Variants in ATG3 observed in about 807,000 individuals in gnomAD.
The protein encoded by ATG3 is ubiquitin-like-conjugating enzyme ATG3.
Under a neutral mutation model 50.7 loss-of-function variants are expected in ATG3, and 25 were observed. The ratio of observed to expected loss-of-function variants is 0.49; its 90% confidence interval spans 0.36 to 0.69. ATG3 has a LOEUF of 0.69. ATG3 is among the 30% of genes least tolerant of loss of function. ATG3 has a pLI of 0.00. For missense variants in ATG3, 281 were observed against 376.0 expected (o/e 0.75, Z 2.09); for synonymous variants, 119 against 125.5 (o/e 0.95, Z 0.34).
intron 7 of ATG3, 105 bp downstream of exon 7, chr3:112,541,698 A>T: frequency 1.0e-6 from 1 of 994,570 alleles, no homozygotes; most frequent in Non-Finnish European, 1.5e-6. Context: ...CTAGGCTGCT[A>T]AATGCTAAAC....
intron 1 of ATG3, among the ~76,000 whole-genome samples, chr3:112,558,784 T>C (rs1303938683): frequency 6.6e-6 from 1 of 152,020 alleles, no homozygotes; most frequent in Non-Finnish European, 1.5e-5. Flanking sequence ...TTGCCCAGGC[T>C]GGAGTGCAGT....
chr3:112,550,270 A>G lies in ATG3; in HGVS notation c.165-8T>C. On this transcript the variant is annotated splice_polypyrimidine_tract_variant and splice_region_variant and intron_variant, in intron 3 of 11. Transcript: ENST00000283290. ...AATTCTTCCCCTGTAGCCCTTTAAA[A>G]ACAGTGAAAAGCACCAAAATACAAA... 1 of 1,607,772 alleles carries G rather than the reference A, an allele frequency of 6.2e-7. No homozygotes were observed. Among genetic ancestry groups the G allele is most frequent in the Non-Finnish European group, 8.5e-7 (1 of 1,176,528 alleles).
rs914884431 is a variant in ATG3, at chr3:112,533,715, G to A, written c.863+554C>T. ...TACTTTAGGATCCAACAGTTTGCTT[G>A]GGCATTAACTTGAATGTATTACTTT... On this transcript the variant is annotated intron_variant, in intron 11 of 11. Transcript: ENST00000283290. The A allele has an allele frequency of 8.1e-6, 8 of 985,162 alleles. No individual in the cohort carries two copies. In the African/African-American group the frequency reaches 1.4e-4, roughly 17 times the overall value. 61.0% of individuals were successfully genotyped at this position (985,162 alleles called of 1,614,324 possible). A position where few individuals can be genotyped will look rare whatever the true frequency, so the allele number is the denominator to read the frequency against.
chr3:112,551,884 G>T (rs1424489020), intron 3 of ATG3, among the ~76,000 whole-genome samples: 2 of 151,662 alleles, frequency 1.3e-5, no homozygotes, highest in Admixed American at 6.6e-5. Flanking sequence ...TTTAAATATG[G>T]AACAAAAAAC....
intron 7 of ATG3, among the ~76,000 whole-genome samples, chr3:112,538,951 T>C (rs568810586): frequency 1.3e-5 from 2 of 152,326 alleles, no homozygotes; most frequent in South Asian, 4.1e-4. Context: ...CAGTTAATGG[T>C]ATCTTTCTAG....
intron 3 of ATG3, among the ~76,000 whole-genome samples, chr3:112,551,012 G>A (rs1357040222): frequency 6.6e-6 from 1 of 152,170 alleles, no homozygotes; most frequent in East Asian, 1.9e-4. Flanking sequence ...TGACTTCAGG[G>A]CTCCTACTCT....
intron 10 of ATG3, 55 bp from the exon 11 acceptor site, chr3:112,534,392 G>T (rs778834306): frequency 5.6e-5 from 72 of 1,297,210 alleles, no homozygotes; most frequent in Non-Finnish European, 7.0e-5. Flanking sequence ...ACCGAAAGAA[G>T]AAAAACATAT....
At chr3:112,540,980 A>C (rs1052636133) in intron 7 of ATG3, among the ~76,000 whole-genome samples, 1 of 152,184 alleles carries the variant, frequency 6.6e-6, no homozygotes, top group Non-Finnish European at 1.5e-5. Context: ...GCTCTGTTCT[A>C]GTGGGTTTCT....
At chr3:112,551,211 C>A (rs1424460174) in intron 3 of ATG3, among the ~76,000 whole-genome samples, 3 of 152,180 alleles carry the variant, frequency 2.0e-5, no homozygotes, top group Non-Finnish European at 4.4e-5. Context: ...GTCTAAAGTT[C>A]AAACCATAGA....
Position 112,543,927 on chromosome 3 carries a change from A to G in ATG3, c.393+130T>C, listed in dbSNP as rs181311359. On this transcript the variant is annotated intron_variant, in intron 6 of 11. Transcript: ENST00000283290. ...TGGGGAAGAAAACAGCTGGAATTTAAAAGAGCTTGATAATAAAAAACCAGG... is the reference window on the plus strand; with the variant it reads ...TGGGGAAGAAAACAGCTGGAATTTAGAAGAGCTTGATAATAAAAAACCAGG... 2.2e-5 allele frequency: 13 copies of G among 600,542 alleles called. No homozygotes were observed. In the Admixed American group the frequency reaches 4.4e-4, roughly 20 times the overall value. 37.2% of individuals were successfully genotyped at this position (600,542 alleles called of 1,614,324 possible).
In ATG3 at chr3:112,561,546, G is replaced by T; in HGVS notation, c.-18C>A. On this transcript the variant is annotated 5_prime_UTR_variant, in exon 1 of 12. Coordinates refer to ENST00000283290, the MANE Select transcript of ATG3 (RefSeq NM_022488.5). ...TTCTGCATCCTGGGGCCGGAGTAGCGGCCGGCCCCGCGACGGGATGGAAAG... is the reference window on the plus strand; with the variant it reads ...TTCTGCATCCTGGGGCCGGAGTAGCTGCCGGCCCCGCGACGGGATGGAAAG... The T allele has an allele frequency of 6.3e-7, 1 of 1,599,840 alleles. No individual in the cohort carries two copies. The highest frequency in any genetic ancestry group is 8.5e-7 in the Non-Finnish European group (1 of 1,175,844).
intron 7 of ATG3, among the ~76,000 whole-genome samples, chr3:112,540,985 G>C (rs1295936815): frequency 2.0e-5 from 3 of 152,154 alleles, no homozygotes; most frequent in Non-Finnish European, 4.4e-5. Flanking sequence ...GTTCTAGTGG[G>C]TTTCTCTCTC....
rs2082564099 is a variant in ATG3, at chr3:112,532,643, G to T, written c.*56C>A. Reference sequence around the variant, plus strand: ...AATATGGTCAATGGTCACATCTATGGGTTAATTCTTTAAAAATCAGAACCA... The same window carrying T: ...AATATGGTCAATGGTCACATCTATGTGTTAATTCTTTAAAAATCAGAACCA... On this transcript the variant is annotated 3_prime_UTR_variant, in exon 12 of 12. Coordinates refer to ENST00000283290, the MANE Select transcript of ATG3 (RefSeq NM_022488.5). 1.5e-6 allele frequency: 2 copies of T among 1,351,686 alleles called. No individual in the cohort carries two copies. The highest frequency in any genetic ancestry group is 1.5e-5 in the African/African-American group (1 of 67,100). The allele number at this position is 1,351,686 out of a possible 1,614,324, so 83.7% of individuals were successfully genotyped here.
chr3:112,555,576 A>AAG (rs1230315403), intron 2 of ATG3, among the ~76,000 whole-genome samples: 2 of 152,192 alleles, frequency 1.3e-5, no homozygotes, highest in African/African-American at 4.8e-5. Context: ...CCCTCTTTTT[A>AAG]AGCACAATAC....
intron 6 of ATG3, among the ~76,000 whole-genome samples, chr3:112,543,288 A>G (rs986065608): frequency 6.6e-6 from 1 of 152,102 alleles, no homozygotes; most frequent in Non-Finnish European, 1.5e-5. Context: ...TTATTTTTTC[A>G]TATCATTTCA....
In ATG3 at chr3:112,561,679, C is replaced by CGGGCGGGACGAGG. The variant is rs1421164450; in HGVS notation, c.-164_-152dup. The stretch of plus-strand genomic sequence containing the variant: ...GGGGACGGGACGCGACGCGACGGGA[C>CGGGCGGGACGAGG]GGGCGGGACGAGGGGGCGGGGCGGC... On this transcript the variant is annotated 5_prime_UTR_variant, in exon 1 of 12. Transcript: ENST00000283290. The CGGGCGGGACGAGG allele has an allele frequency of 5.2e-5, 37 of 711,044 alleles. No homozygotes were observed. The highest frequency in any genetic ancestry group is 1.9e-4 in the East Asian group (6 of 31,562). The allele number at this position is 711,044 out of a possible 1,614,324, so 44.0% of individuals were successfully genotyped here. A position where few individuals can be genotyped will look rare whatever the true frequency, so the allele number is the denominator to read the frequency against.
intron 3 of ATG3, 93 bp from the exon 4 acceptor site, chr3:112,550,355 T>C: frequency 2.9e-6 from 3 of 1,034,066 alleles, no homozygotes; most frequent in Non-Finnish European, 2.9e-6. Context: ...CAAAATGATA[T>C]AATCCATAAT....
chr3:112,534,339 T>C lies in ATG3; in HGVS notation c.795-2A>G, dbSNP rs1164421569. 3.7e-6 allele frequency: 5 copies of C among 1,364,532 alleles called. No homozygotes were observed. Among genetic ancestry groups the C allele is most frequent in the South Asian group, 1.5e-5 (1 of 64,888 alleles). 84.5% of individuals were successfully genotyped at this position (1,364,532 alleles called of 1,614,324 possible). ...ATTTTCTTCATCACCTCAGCATGCC[T>C]AGAAGCCAAAAAAAAAAAAAATTGT... On this transcript the variant is annotated splice_acceptor_variant, in intron 10 of 11. Transcript: ENST00000283290. LOFTEE classifies it high-confidence loss of function.
At chr3:112,561,328 CCT>C (rs1933866435) in intron 1 of ATG3, 127 bp downstream of exon 1, 6 of 923,820 alleles carry the variant, frequency 6.5e-6, no homozygotes, top group Non-Finnish European at 1.0e-5. Flanking sequence ...TGCACACTTC[CCT>C]GTGTCTCGAG....
Sources: gnomAD v4.1 joint callset for allele counts (sites outside exome capture counted in the v4.1 genomes callset) on GRCh38, gnomAD v4.1.1 for gene constraint, MANE v1.5 for transcripts, NCBI Gene and HGNC (gene_info 2026-07-23, HGNC 2026-07-21) for gene names.